The following MARCHF3 variants were observed in gnomAD, a reference collection of about 807,000 sequenced individuals.
The protein encoded by MARCHF3 is E3 ubiquitin-protein ligase MARCHF3.
In MARCHF3, 13 loss-of-function variants were observed where a neutral mutation model predicts 24.2. The observed-to-expected ratio is 0.54, with a 90% CI of 0.35 to 0.85. The LOEUF (loss-of-function observed/expected upper bound fraction) is 0.85. Among genes scored for constraint, MARCHF3 ranks in the 40% least tolerant of loss-of-function variants. The pLI is 0.01. For missense variants in MARCHF3, 276 were observed against 325.0 expected (o/e 0.85, Z 1.16); for synonymous variants, 144 against 137.3 (o/e 1.05, Z -0.34).
At chr5:126,951,540 A>G (rs1053093467) in intron 1 of MARCHF3, among the ~76,000 whole-genome samples, 1 of 152,234 alleles carries the variant, frequency 6.6e-6, no homozygotes, top group Non-Finnish European at 1.5e-5. Context: ...AGTCATCTTC[A>G]TCTCAGTCAG....
intron 1 of MARCHF3, among the ~76,000 whole-genome samples, chr5:126,939,085 T>C (rs1418036627): frequency 1.3e-5 from 2 of 152,194 alleles, no homozygotes; most frequent in Admixed American, 6.5e-5. Context: ...TTCTTGGATA[T>C]TGTATAATAA....
intron 1 of MARCHF3, among the ~76,000 whole-genome samples, chr5:126,922,749 T>C (rs953823963): frequency 6.6e-6 from 1 of 152,110 alleles, no homozygotes; most frequent in Non-Finnish European, 1.5e-5. Context: ...AGTTTCGCCA[T>C]GTTAGCCAGG....
intron 3 of MARCHF3, among the ~76,000 whole-genome samples, chr5:126,896,504 G>A (rs897638199): frequency 1.3e-5 from 2 of 152,138 alleles, no homozygotes; most frequent in Admixed American, 1.3e-4. Context: ...TTTAGCTTGA[G>A]TGATCCTGAG....
chr5:126,918,239 C>G lies in MARCHF3; in HGVS notation c.-56-12G>C. On this transcript the variant is annotated splice_polypyrimidine_tract_variant and intron_variant, in intron 1 of 4. Coordinates refer to ENST00000308660, the MANE Select transcript of MARCHF3 (RefSeq NM_178450.5). ...TACAGGATTTCCATCTAAGAGAGAT[C>G]AGAAAACAGTTTACTTGGGCAGGGT... 6.7e-7 allele frequency: 1 copy of G among 1,487,700 alleles called. No individual in the cohort carries two copies. The highest frequency in any genetic ancestry group is 9.0e-7 in the Non-Finnish European group (1 of 1,115,058). The allele number at this position is 1,487,700 out of a possible 1,614,324, so 92.2% of individuals were successfully genotyped here.
In MARCHF3 at chr5:126,869,154, C is replaced by T. The variant is rs1229845515; in HGVS notation, c.*1479G>A. ...GCTCCATCAATTTGCAGACAAAAAT[C>T]GCTACCCTCCTCGCTGCCTGTTCCT... On this transcript the variant is annotated 3_prime_UTR_variant, in exon 5 of 5. Transcript: ENST00000308660. 1 of 152,260 alleles carries T rather than the reference C, an allele frequency of 6.6e-6. No homozygotes were observed. The highest frequency in any genetic ancestry group is 1.5e-5 in the Non-Finnish European group (1 of 68,066). 9.4% of individuals were successfully genotyped at this position (152,260 alleles called of 1,614,324 possible).
chr5:126,963,316 A>G (rs1750704704), intron 1 of MARCHF3, among the ~76,000 whole-genome samples: 1 of 152,192 alleles, frequency 6.6e-6, no homozygotes, highest in South Asian at 2.1e-4. Flanking sequence ...TCTTCTTTAA[A>G]AGATAAACTA....
chr5:126,955,465 G>A (rs1362100286), intron 1 of MARCHF3, among the ~76,000 whole-genome samples: 1 of 152,196 alleles, frequency 6.6e-6, no homozygotes, highest in Admixed American at 6.5e-5. Flanking sequence ...CGTTCATCCG[G>A]CCCAATATTT....
At chr5:126,894,944 C>T (rs1753822605) in intron 3 of MARCHF3, among the ~76,000 whole-genome samples, 1 of 152,086 alleles carries the variant, frequency 6.6e-6, no homozygotes, top group African/African-American at 2.4e-5. Flanking sequence ...CTTTCAGGTA[C>T]ACCAATCAGA....
Position 126,914,966 on chromosome 5 carries a change from C to G in MARCHF3, c.357G>C (p.Arg119Ser). ...NTSYCELCHFRFAVERKPRPL... is the reference protein window; with the variant it reads ...NTSYCELCHFSFAVERKPRPL... ...GCCTGGGTTTGCGCTCGACTGCAAA[C>G]CTGAAGTGGCAGAGTTCACAGTAGC... The change falls in exon 3 of 5, where the codon AGG (arginine) becomes AGC (serine). Residue 119 changes from arginine (R) to serine (S), a missense_variant. Arg to Ser is a moderately radical substitution (Grantham distance 110, BLOSUM62 -1). Coordinates refer to ENST00000308660, the MANE Select transcript of MARCHF3 (RefSeq NM_178450.5). 1 of 1,614,182 alleles carries G rather than the reference C, an allele frequency of 6.2e-7. No individual in the cohort carries two copies. The highest frequency in any genetic ancestry group is 8.5e-7 in the Non-Finnish European group (1 of 1,180,042).
intron 3 of MARCHF3, among the ~76,000 whole-genome samples, chr5:126,885,817 T>G (rs983523236): frequency 6.6e-6 from 1 of 152,102 alleles, no homozygotes; most frequent in Non-Finnish European, 1.5e-5. Flanking sequence ...AAGATAAATA[T>G]CTACACATTG....
chr5:126,928,057 T>C (rs946949538), intron 1 of MARCHF3, among the ~76,000 whole-genome samples: 2 of 152,222 alleles, frequency 1.3e-5, no homozygotes, highest in Admixed American at 6.5e-5. Flanking sequence ...CATAGCACTA[T>C]TCATTTTCCA....
intron 1 of MARCHF3, among the ~76,000 whole-genome samples, chr5:126,963,773 C>T (rs985797228): frequency 6.6e-6 from 1 of 152,126 alleles, no homozygotes; most frequent in African/African-American, 2.4e-5. Flanking sequence ...GTCAGGAAAA[C>T]AAACAAAAAG....
chr5:126,999,524 T>G (rs1752056248), intron 1 of MARCHF3, among the ~76,000 whole-genome samples: 2 of 152,172 alleles, frequency 1.3e-5, no homozygotes, highest in South Asian at 2.1e-4. Context: ...TTGTTCTATT[T>G]CTAGGCCTAA....
chr5:126,995,486 T>C (rs1457004196), intron 1 of MARCHF3, among the ~76,000 whole-genome samples: 5 of 152,204 alleles, frequency 3.3e-5, no homozygotes, highest in Admixed American at 3.3e-4. Flanking sequence ...AAGCCTGCCA[T>C]GTGTGTTTTC....
In MARCHF3 at chr5:126,918,172, G is replaced by A. The variant is rs752015179; in HGVS notation, c.-1C>T. ...GGTGACTGCAGCGGCTGGTTGTCAT[G>A]GTAACAGACAGCAATTACTCTGCTA... On this transcript the variant is annotated 5_prime_UTR_variant, in exon 2 of 5. Transcript: ENST00000308660. The A allele has an allele frequency of 3.0e-5, 48 of 1,611,804 alleles. No homozygotes were observed. In the Admixed American group the frequency reaches 7.7e-4, roughly 26 times the overall value.
chr5:126,944,960 T>C (rs1202159394), intron 1 of MARCHF3, among the ~76,000 whole-genome samples: 1 of 152,246 alleles, frequency 6.6e-6, no homozygotes, highest in Non-Finnish European at 1.5e-5. Flanking sequence ...GCAATACATT[T>C]ACAATCTTAG....
chr5:126,989,330 AC>A (rs1751671275), intron 1 of MARCHF3, among the ~76,000 whole-genome samples: 5 of 142,872 alleles, frequency 3.5e-5, no homozygotes, highest in East Asian at 2.3e-4. Flanking sequence ...TACTACTACT[AC>A]TACTACTAAT....
Position 126,868,848 on chromosome 5 carries a change from G to GTCCA in MARCHF3, c.*1781_*1784dup, listed in dbSNP as rs1443373581. The GTCCA allele has an allele frequency of 2.0e-5, 3 of 152,274 alleles. No individual in the cohort carries two copies. The highest frequency in any genetic ancestry group is 2.0e-4 in the Admixed American group (3 of 15,288). The allele number at this position is 152,274 out of a possible 1,614,324, so 9.4% of individuals were successfully genotyped here. A position where few individuals can be genotyped will look rare whatever the true frequency, so the allele number is the denominator to read the frequency against. On this transcript the variant is annotated 3_prime_UTR_variant, in exon 5 of 5. Coordinates refer to ENST00000308660, the MANE Select transcript of MARCHF3 (RefSeq NM_178450.5). ...GTGGCAGCTGCGTGCAGCCGGTGAT[G>GTCCA]TCCAGCATTTTAAAAAGGTCAATTA...
chr5:126,928,012 T>C lies in MARCHF3; in HGVS notation c.-56-9785A>G, dbSNP rs1174733986. Among the ~76,000 whole-genome samples the C allele has an allele frequency of 4.6e-5, 7 of 152,342 alleles. No homozygotes were observed. In the East Asian group the frequency reaches 1.3e-3, roughly 29 times the overall value. On this transcript the variant is annotated intron_variant, in intron 1 of 4. Transcript: ENST00000308660. ...CAGGACAGACAAAAAAATTACACTATTGATAGCAACAGTGTGAGTGTATTT... is the reference window on the plus strand; with the variant it reads ...CAGGACAGACAAAAAAATTACACTACTGATAGCAACAGTGTGAGTGTATTT...
Sources: gnomAD v4.1 joint callset for allele counts (sites outside exome capture counted in the v4.1 genomes callset) on GRCh38, gnomAD v4.1.1 for gene constraint, MANE v1.5 for transcripts, NCBI Gene and HGNC (gene_info 2026-07-23, HGNC 2026-07-21) for gene names.